HTT: variants seen among roughly 807,000 people sequenced by gnomAD.
HTT encodes the protein huntington disease protein.
In HTT, 104 loss-of-function variants were observed where a neutral mutation model predicts 362.3. The observed-to-expected ratio is 0.29, with a 90% confidence interval of 0.24 to 0.34. The LOEUF (loss-of-function observed/expected upper bound fraction) is 0.34. Among genes scored for constraint, HTT ranks in the 10% least tolerant of loss-of-function variants. HTT has a pLI of 1.00. For missense variants in HTT, 3,301 were observed against 3,928.6 expected (o/e 0.84, Z 4.27); for synonymous variants, 1,577 against 1,548.7 (o/e 1.02, Z -0.43).
chr4:3,126,048 T>A (rs1715505643), intron 11 of HTT, among the ~76,000 whole-genome samples: 1 of 152,190 alleles, frequency 6.6e-6, no homozygotes, highest in East Asian at 1.9e-4. Context: ...ATCTTTTTTC[T>A]TTTTTGAGAT....
In HTT at chr4:3,157,146, C is replaced by G. The variant is rs369426776; in HGVS notation, c.3700C>G (p.Pro1234Ala). ...ATCACTGGGGAGTTTCTATCATCTT[C>G]CTTCATACCTCAAACTGCATGATGT... Reference protein sequence around the residue: ...SSSLGSFYHLPSYLKLHDVLK... With the variant: ...SSSLGSFYHLASYLKLHDVLK... Residue 1234 changes from proline to alanine, a missense_variant, in exon 28 of 67, where the codon CCT becomes GCT. This residue lies in a region of HTT where 2,316 missense variants were observed against 2,658.5 expected (regional missense o/e 0.87). Coordinates refer to ENST00000355072, the MANE Select transcript of HTT (RefSeq NM_001388492.1). The G allele has an allele frequency of 2.5e-6, 4 of 1,613,548 alleles. No homozygotes were observed. In the East Asian group the frequency reaches 8.9e-5, roughly 36 times the overall value.
At chr4:3,145,739 A>G (rs1716566890) in intron 24 of HTT, among the ~76,000 whole-genome samples, 1 of 152,210 alleles carries the variant, frequency 6.6e-6, no homozygotes, top group Admixed American at 6.5e-5. Flanking sequence ...CATTTTGTGT[A>G]TCAATTACTG....
At chr4:3,219,482 G>C (rs1027680960) in intron 52 of HTT, among the ~76,000 whole-genome samples, 2 of 152,194 alleles carry the variant, frequency 1.3e-5, no homozygotes, top group African/African-American at 4.8e-5. Context: ...GTACCAGAGA[G>C]GAGCATAGGG....
intron 53 of HTT, among the ~76,000 whole-genome samples, chr4:3,221,819 A>G (rs1720689194): frequency 6.6e-6 from 1 of 152,078 alleles, no homozygotes; most frequent in African/African-American, 2.4e-5. Flanking sequence ...ACCTTGATAC[A>G]CTCTTTTTAA....
At chr4:3,202,746 TC>T (rs1719643051) in intron 41 of HTT, among the ~76,000 whole-genome samples, 1 of 152,160 alleles carries the variant, frequency 6.6e-6, no homozygotes, top group Non-Finnish European at 1.5e-5. Flanking sequence ...GTGTGGTGGC[TC>T]ATGCCTGTAA....
chr4:3,202,396 A>G (rs1246895431), intron 41 of HTT, among the ~76,000 whole-genome samples: 1 of 152,104 alleles, frequency 6.6e-6, no homozygotes, highest in East Asian at 1.9e-4. Flanking sequence ...GAGGCTCATT[A>G]CCCTATAGCT....
At chr4:3,095,297 G>A (rs1188423710) in intron 2 of HTT, among the ~76,000 whole-genome samples, 1 of 152,234 alleles carries the variant, frequency 6.6e-6, no homozygotes, top group African/African-American at 2.4e-5. Context: ...GGCCGAGGCT[G>A]GCAGATCACT....
At chr4:3,140,471 T>C in intron 21 of HTT, 39 bp from the exon 22 acceptor site, 1 of 1,605,940 alleles carries the variant, frequency 6.2e-7, no homozygotes. Context: ...GTGAGTTTCA[T>C]CTACTTTCTT....
chr4:3,193,958 G>A (rs774575260), intron 40 of HTT, among the ~76,000 whole-genome samples: 4 of 152,126 alleles, frequency 2.6e-5, no homozygotes, highest in Non-Finnish European at 5.9e-5. Flanking sequence ...ATAAATGTGT[G>A]TTTCTGTCTT....
At chr4:3,097,708 A>G (rs1308631089) in intron 2 of HTT, among the ~76,000 whole-genome samples, 1 of 152,228 alleles carries the variant, frequency 6.6e-6, no homozygotes, top group East Asian at 1.9e-4. Context: ...GACAACTTAT[A>G]GATGAAATGG....
chr4:3,107,330 GA>G lies in HTT; in HGVS notation c.655del (p.Arg219AspfsTer34), dbSNP rs1442766052. On this transcript the variant is annotated frameshift_variant, in exon 6 of 67. Coordinates refer to ENST00000355072, the MANE Select transcript of HTT (RefSeq NM_001388492.1). LOFTEE classifies it high-confidence loss of function. The part of the protein sequence containing the change: ...LLPCLTRTSK[R>X]PEESVQETLA... ...TGCCGTGCCTGACTCGAACAAGCAA[GA>G]GACCCGAAGAATCAGTCCAGGAGAC... 6.2e-7 allele frequency: 1 copy of G among 1,614,124 alleles called. No individual in the cohort carries two copies. The highest frequency in any genetic ancestry group is 1.7e-5 in the Admixed American group (1 of 60,008).
At chr4:3,144,276 T>C (rs1312482889) in intron 23 of HTT, among the ~76,000 whole-genome samples, 1 of 152,184 alleles carries the variant, frequency 6.6e-6, no homozygotes, top group African/African-American at 2.4e-5. Context: ...AAAAAAATAA[T>C]ATACAAAAGT....
At chr4:3,138,095 T>TCCTTCTTTCCTTCCTCCCTTCCTCCCTC in intron 21 of HTT, among the ~76,000 whole-genome samples, 1 of 150,258 alleles carries the variant, frequency 6.7e-6, no homozygotes, top group East Asian at 2.0e-4. Context: ...CTTCCTTCCT[T>TCCTTCTTTCCTTCCTCCCTTCCTCCCTC]CCTTCTTTCC....
In HTT at chr4:3,243,625, G is replaced by T. The variant is rs1467213992; in HGVS notation, c.*3566G>T. ...TCAAAGGAACGCCTTCCCCTCAGTTGTTTCTAAGAGCAGAGTCTCCCGCTG... is the reference window on the plus strand; with the variant it reads ...TCAAAGGAACGCCTTCCCCTCAGTTTTTTCTAAGAGCAGAGTCTCCCGCTG... On this transcript the variant is annotated 3_prime_UTR_variant, in exon 67 of 67. Transcript: ENST00000355072. 1 of 152,296 alleles carries T rather than the reference G, an allele frequency of 6.6e-6. No individual in the cohort carries two copies. Among genetic ancestry groups the T allele is most frequent in the Non-Finnish European group, 1.5e-5 (1 of 68,094 alleles). 9.4% of individuals were successfully genotyped at this position (152,296 alleles called of 1,614,324 possible).
chr4:3,126,142 T>C (rs1715510197), intron 11 of HTT, among the ~76,000 whole-genome samples: 1 of 152,210 alleles, frequency 6.6e-6, no homozygotes, highest in South Asian at 2.1e-4. Context: ...AGCCTCCGCC[T>C]TCTGGGTTCC....
At chr4:3,194,657 G>T (rs1396649598) in intron 40 of HTT, among the ~76,000 whole-genome samples, 2 of 152,204 alleles carry the variant, frequency 1.3e-5, no homozygotes, top group Non-Finnish European at 2.9e-5. Context: ...CCTGGTCGTG[G>T]GTGGTGGAGA....
chr4:3,201,529 C>CAAAAA (rs925357780), intron 41 of HTT, among the ~76,000 whole-genome samples: 4 of 61,666 alleles, frequency 6.5e-5, no homozygotes, highest in East Asian at 5.6e-4. Flanking sequence ...GACTCCATCT[C>CAAAAA]AAAAAAAAAA....
intron 1 of HTT, among the ~76,000 whole-genome samples, 157 bp downstream of exon 1, chr4:3,075,245 C>A (rs933437402): frequency 2.6e-5 from 4 of 152,228 alleles, no homozygotes; most frequent in African/African-American, 9.6e-5. Flanking sequence ...ACACCCGCCC[C>A]CTCCTGGGGC....
intron 29 of HTT, among the ~76,000 whole-genome samples, chr4:3,161,216 C>G (rs1208005744): frequency 6.6e-6 from 1 of 152,144 alleles, no homozygotes; most frequent in African/African-American, 2.4e-5. Flanking sequence ...ATGATGGTTT[C>G]CAGCATCATC....
Sources: allele counts gnomAD v4.1 joint callset (sites outside exome capture counted in the v4.1 genomes callset), GRCh38; gene constraint gnomAD v4.1.1; regional missense constraint gnomAD v4.1.1; transcripts MANE v1.5; gene names NCBI Gene and HGNC (gene_info 2026-07-23, HGNC 2026-07-21).